TMEM132D: variants seen among roughly 807,000 people sequenced by gnomAD.
The protein encoded by TMEM132D is transmembrane protein 132D.
TMEM132D carries 21 observed loss-of-function variants against 62.3 expected under a neutral mutation model. That is an observed-to-expected ratio of 0.34 (90% confidence interval 0.24 to 0.49). TMEM132D has a LOEUF of 0.49. Ranked by LOEUF, TMEM132D falls within the 20% of genes least tolerant of loss-of-function variation. The pLI, the probability that TMEM132D is intolerant of heterozygous loss-of-function variation, is 0.99. For missense variants in TMEM132D, 1,346 were observed against 1,402.8 expected, an observed-to-expected ratio of 0.96 and a Z score of 0.65; for synonymous variants, 621 against 575.6, an observed-to-expected ratio of 1.08 and a Z score of -1.13.
At chr12:129,340,434 T>A (rs1355616549) in intron 3 of TMEM132D, among the ~76,000 whole-genome samples, 3 of 152,122 alleles carry the variant, frequency 2.0e-5, no homozygotes, top group Admixed American at 2.0e-4. Flanking sequence ...ATTAGGTATA[T>A]CTCCTAATGC....
At chr12:129,572,768 C>G (rs1297983062) in intron 2 of TMEM132D, among the ~76,000 whole-genome samples, 3 of 152,022 alleles carry the variant, frequency 2.0e-5, no homozygotes, top group African/African-American at 7.2e-5. Flanking sequence ...TGTTTGTAAA[C>G]TGGGGGTGCA....
At chr12:129,075,318 C>CTTTT (rs541888959) in intron 8 of TMEM132D, among the ~76,000 whole-genome samples, 5,632 of 143,490 alleles carry the variant, frequency 0.039, 132 homozygotes, top group African/African-American at 0.076. Context: ...AGAAGATTTG[C>CTTTT]TTTTTTTTTT....
At chr12:129,404,189 GTTAT>G (rs1419049982) in intron 3 of TMEM132D, among the ~76,000 whole-genome samples, 1 of 146,706 alleles carries the variant, frequency 6.8e-6, no homozygotes, top group Non-Finnish European at 1.5e-5. Flanking sequence ...CTGAGACTGG[GTTAT>G]TTAGTTATTT....
rs538620302 is a variant in TMEM132D at position 129,504,028 on chromosome 12, GTCA to G, written c.1115+27028_1115+27030del. ...CATTACTGTCATCATCATCACTATT[GTCA>G]TCATCATTACTGTCATCATCATCAT... is the stretch of plus-strand genomic sequence containing the variant. On this transcript the variant is annotated intron_variant, in intron 3 of 8. Coordinates refer to ENST00000422113, the MANE Select transcript of TMEM132D (RefSeq NM_133448.3). Among the ~76,000 whole-genome samples, 1,291 of 150,278 alleles carry G rather than the reference GTCA, an allele frequency of 8.6e-3. 9 individuals carry two copies. Among genetic ancestry groups the G allele is most frequent in the Middle Eastern group, 0.017 (5 of 294 alleles).
intron 3 of TMEM132D, among the ~76,000 whole-genome samples, chr12:129,461,232 G>C (rs983303742): frequency 4.6e-5 from 7 of 152,176 alleles, no homozygotes; most frequent in Non-Finnish European, 8.8e-5. Context: ...ATCTTACCCA[G>C]GGTGAAAGTC....
intron 1 of TMEM132D, among the ~76,000 whole-genome samples, chr12:129,724,747 T>C (rs554016681): frequency 1.3e-4 from 20 of 152,210 alleles, no homozygotes; most frequent in Non-Finnish European, 2.4e-4. Flanking sequence ...GCTCTCGAAC[T>C]CCTGACCTCA....
rs114929327 is a variant in TMEM132D, at chr12:129,234,353, G to A, written c.1300-24690C>T. Among the ~76,000 whole-genome samples the A allele has an allele frequency of 2.5e-3, 388 of 152,244 alleles. 1 individual carries two copies. Among genetic ancestry groups the A allele is most frequent in the African/African-American group, 8.8e-3 (367 of 41,558 alleles). ...TTGTAATAAAATTCTTAGAATTGACGTGCAAGTAAAGGATTCCAATCCTGT... is the reference window on the plus strand; with the variant it reads ...TTGTAATAAAATTCTTAGAATTGACATGCAAGTAAAGGATTCCAATCCTGT... On this transcript the variant is annotated intron_variant, in intron 4 of 8. Coordinates refer to ENST00000422113, the MANE Select transcript of TMEM132D (RefSeq NM_133448.3).
intron 3 of TMEM132D, among the ~76,000 whole-genome samples, chr12:129,354,465 A>G (rs1869972606): frequency 1.3e-5 from 2 of 152,148 alleles, no homozygotes; most frequent in Admixed American, 1.3e-4. Context: ...CTGGGACTAC[A>G]GGTGCGAGCC....
chr12:129,309,383 C>T (rs577896079), intron 4 of TMEM132D, among the ~76,000 whole-genome samples: 3 of 152,256 alleles, frequency 2.0e-5, no homozygotes, highest in African/African-American at 2.4e-5. Flanking sequence ...TACTTAGGCA[C>T]CAAATTATCT....
chr12:129,705,317 C>T (rs1023992294), intron 1 of TMEM132D, among the ~76,000 whole-genome samples: 1 of 152,026 alleles, frequency 6.6e-6, no homozygotes, highest in East Asian at 1.9e-4. Context: ...CAGAGAAAAC[C>T]GAAAACACCA....
chr12:129,096,671 G>C (rs1047776148), intron 5 of TMEM132D, among the ~76,000 whole-genome samples: 1 of 152,160 alleles, frequency 6.6e-6, no homozygotes, highest in Non-Finnish European at 1.5e-5. Context: ...AAGAAAGTCT[G>C]AGTCTCTTTC....
At chr12:129,414,556 T>A (rs1872059948) in intron 3 of TMEM132D, among the ~76,000 whole-genome samples, 1 of 152,214 alleles carries the variant, frequency 6.6e-6, no homozygotes, top group Non-Finnish European at 1.5e-5. Flanking sequence ...GGATGCAGCA[T>A]GATGTGCTGA....
chr12:129,473,215 G>T (rs765211953), intron 3 of TMEM132D, among the ~76,000 whole-genome samples: 9 of 151,768 alleles, frequency 5.9e-5, no homozygotes, highest in Non-Finnish European at 1.0e-4. Context: ...ACCACCACCC[G>T]GATCAGTCAG....
intron 2 of TMEM132D, among the ~76,000 whole-genome samples, chr12:129,557,210 G>A (rs949850368): frequency 2.8e-4 from 42 of 151,940 alleles, no homozygotes; most frequent in Admixed American, 3.3e-4. Flanking sequence ...CTATTTTTAC[G>A]TTCAAATATC....
intron 2 of TMEM132D, among the ~76,000 whole-genome samples, chr12:129,637,547 C>G (rs888284496): frequency 6.6e-6 from 1 of 152,178 alleles, no homozygotes; most frequent in Non-Finnish European, 1.5e-5. Context: ...ACCCCCACCC[C>G]CTTCCTCCTG....
intron 1 of TMEM132D, among the ~76,000 whole-genome samples, chr12:129,862,697 G>A (rs544547408): frequency 2.0e-5 from 3 of 152,204 alleles, no homozygotes; most frequent in South Asian, 2.1e-4. Flanking sequence ...CATTAAGAGC[G>A]GACACAAGTA....
chr12:129,864,708 A>G (rs1199938523), intron 1 of TMEM132D, among the ~76,000 whole-genome samples: 1 of 152,172 alleles, frequency 6.6e-6, no homozygotes, highest in Non-Finnish European at 1.5e-5. Flanking sequence ...TGACATTCTT[A>G]CTTGTTTGGG....
chr12:129,499,673 AACAC>A (rs1875067122), intron 3 of TMEM132D, among the ~76,000 whole-genome samples: 1 of 152,202 alleles, frequency 6.6e-6, no homozygotes, highest in South Asian at 2.1e-4. Flanking sequence ...TAAACACATG[AACAC>A]GTGTTCTGGG....
intron 3 of TMEM132D, among the ~76,000 whole-genome samples, chr12:129,503,918 T>C (rs935236590): frequency 3.3e-5 from 5 of 151,966 alleles, no homozygotes; most frequent in African/African-American, 1.2e-4. Context: ...ACTATTGCCA[T>C]CATCATCATC....
Sources: gnomAD v4.1 joint callset for allele counts (sites outside exome capture counted in the v4.1 genomes callset) on GRCh38, gnomAD v4.1.1 for gene constraint, MANE v1.5 for transcripts, NCBI Gene and HGNC (gene_info 2026-07-23, HGNC 2026-07-21) for gene names.